Variants in IGSF21 observed in about 807,000 individuals in gnomAD.
IGSF21 encodes the protein immunoglobin superfamily member 21.
IGSF21 carries 28 observed loss-of-function variants against 46.8 expected under a neutral mutation model. The observed-to-expected ratio is 0.60, with a 90% CI of 0.44 to 0.82. The LOEUF is 0.82. Ranked by LOEUF, IGSF21 falls within the 40% of genes least tolerant of loss-of-function variation. IGSF21 has a pLI of 0.00. For missense variants in IGSF21, 624 were observed against 665.5 expected, an observed-to-expected ratio of 0.94 and a Z score of 0.69; for synonymous variants, 284 against 273.6, an observed-to-expected ratio of 1.04 and a Z score of -0.38.
chr1:18,228,420 C>T (rs2084591231), intron 2 of IGSF21, among the ~76,000 whole-genome samples: 4 of 152,158 alleles, frequency 2.6e-5, no homozygotes, highest in Admixed American at 2.6e-4. Flanking sequence ...TTTGCAAAAT[C>T]AAATCACAGA....
At chr1:18,336,306 G>A (rs544679177) in intron 4 of IGSF21, among the ~76,000 whole-genome samples, 27 of 152,332 alleles carry the variant, frequency 1.8e-4, no homozygotes, top group African/African-American at 6.5e-4. Context: ...GTGGCTGCTA[G>A]CATAGGGAGG....
rs2085778345 is a variant in IGSF21 at position 18,337,257 on chromosome 1, G to C, written c.424+2247G>C. On this transcript the variant is annotated intron_variant, in intron 4 of 9. Coordinates refer to ENST00000251296, the MANE Select transcript of IGSF21 (RefSeq NM_032880.5). The surrounding 1 kb of genome is among the most constrained non-coding windows in gnomAD (Gnocchi z 5.7). ...TGGCCTGATGGTCTCTGCTGAGCAA[G>C]GGAGTGTGCTCCTGTGGGCCTCAAT... Among the ~76,000 whole-genome samples the C allele has an allele frequency of 6.6e-6, 1 of 152,192 alleles. No individual in the cohort carries two copies. The highest frequency in any genetic ancestry group is 1.5e-5 in the Non-Finnish European group (1 of 68,024).
intron 1 of IGSF21, among the ~76,000 whole-genome samples, chr1:18,199,202 C>A (rs958779768): frequency 1.3e-5 from 2 of 152,040 alleles, no homozygotes; most frequent in African/African-American, 4.8e-5. Context: ...GGGTTGGGGC[C>A]CCTGCACCCA....
At chr1:18,347,329 G>A (rs1477193488) in intron 4 of IGSF21, among the ~76,000 whole-genome samples, 3 of 152,214 alleles carry the variant, frequency 2.0e-5, no homozygotes, top group Non-Finnish European at 4.4e-5. Context: ...ACAGAGGTCA[G>A]GAGACATGCC....
At chr1:18,232,653 GTGCT>G (rs2084639314) in intron 2 of IGSF21, among the ~76,000 whole-genome samples, 1 of 152,182 alleles carries the variant, frequency 6.6e-6, no homozygotes, top group Non-Finnish European at 1.5e-5. Flanking sequence ...CTTTACACTA[GTGCT>G]TACCTCATCA....
At chr1:18,134,719 A>G (rs1210619520) in intron 1 of IGSF21, among the ~76,000 whole-genome samples, 1 of 152,204 alleles carries the variant, frequency 6.6e-6, no homozygotes, top group East Asian at 1.9e-4. Flanking sequence ...TGGACCTCAC[A>G]GGTACTGAAA....
intron 1 of IGSF21, among the ~76,000 whole-genome samples, chr1:18,197,768 GAAATAACC>G (rs2087023584): frequency 6.6e-6 from 1 of 152,232 alleles, no homozygotes. Context: ...ATCAACTGGG[GAAATAACC>G]AAGACTACCT....
intron 3 of IGSF21, among the ~76,000 whole-genome samples, chr1:18,328,545 C>G (rs558978588): frequency 1.3e-5 from 2 of 152,182 alleles, no homozygotes; most frequent in African/African-American, 4.8e-5. Context: ...ATACTCAACA[C>G]CACAAGCGGT....
Position 18,376,978 on chromosome 1 carries a change from G to T in IGSF21, c.1280G>T (p.Arg427Leu). The T allele has an allele frequency of 6.3e-7, 1 of 1,593,136 alleles. No homozygotes were observed. Among genetic ancestry groups the T allele is most frequent in the Non-Finnish European group, 8.6e-7 (1 of 1,163,800 alleles). ...CTGGGCTCCACCGACACGCACACCC[G>T]GCTCATCGTGTTTGGTATGGCGCGC... ...NPLGSTDTHT[R>L]LIVFENPNIP... Residue 427 changes from arginine to leucine, a missense_variant, in exon 8 of 10, where the codon CGG becomes CTG. Coordinates refer to ENST00000251296, the MANE Select transcript of IGSF21 (RefSeq NM_032880.5).
In IGSF21 at chr1:18,141,605, G is replaced by C. The variant is rs77703227; in HGVS notation, c.70+33407G>C. On this transcript the variant is annotated intron_variant, in intron 1 of 9. Coordinates refer to ENST00000251296, the MANE Select transcript of IGSF21 (RefSeq NM_032880.5). ...TGACTGAGAGTGAGGGACCTGGAGAGCTAATTCTCTGCTCTACTCTCAACT... is the reference window on the plus strand; with the variant it reads ...TGACTGAGAGTGAGGGACCTGGAGACCTAATTCTCTGCTCTACTCTCAACT... Among the ~76,000 whole-genome samples, 27 of 152,284 alleles carry C rather than the reference G, an allele frequency of 1.8e-4. No homozygotes were observed. The East Asian group carries it at 5.0e-3, about 28-fold the overall frequency.
rs557150933 is a variant in IGSF21, at chr1:18,141,744, A to G, written c.70+33546A>G. Among the ~76,000 whole-genome samples the G allele has an allele frequency of 3.9e-5, 6 of 152,326 alleles. No individual in the cohort carries two copies. The South Asian group carries it at 6.2e-4, about 16-fold the overall frequency. On this transcript the variant is annotated intron_variant, in intron 1 of 9. Transcript: ENST00000251296. The stretch of plus-strand genomic sequence containing the variant: ...AACATCTCCAGCTGTTTCACAAGTT[A>G]TTAGATGGACATACACTTTATACAA...
intron 6 of IGSF21, among the ~76,000 whole-genome samples, chr1:18,372,006 A>G (rs964473101): frequency 6.6e-6 from 1 of 152,214 alleles, no homozygotes; most frequent in African/African-American, 2.4e-5. Context: ...TGGGAAATGC[A>G]GGTCCTTCAG....
chr1:18,247,124 C>A (rs2084792897), intron 2 of IGSF21, among the ~76,000 whole-genome samples: 1 of 149,758 alleles, frequency 6.7e-6, no homozygotes, highest in Admixed American at 6.7e-5. Flanking sequence ...GATCTCTGCA[C>A]AGCTGGACTT....
At chr1:18,180,430 C>T (rs1287797767) in intron 1 of IGSF21, among the ~76,000 whole-genome samples, 1 of 152,200 alleles carries the variant, frequency 6.6e-6, no homozygotes, top group South Asian at 2.1e-4. Context: ...CTTCTTCCAC[C>T]ATTGCAGAGA....
At chr1:18,151,985 A>G (rs1278696200) in intron 1 of IGSF21, among the ~76,000 whole-genome samples, 1 of 152,082 alleles carries the variant, frequency 6.6e-6, no homozygotes. Flanking sequence ...ATCACTCTGC[A>G]TCCTCTCAGC....
intron 3 of IGSF21, among the ~76,000 whole-genome samples, chr1:18,321,619 G>A (rs538697457): frequency 6.6e-6 from 1 of 152,314 alleles, no homozygotes; most frequent in South Asian, 2.1e-4. Context: ...CTCACCCCAT[G>A]AGCCAGAAAG....
intron 1 of IGSF21, among the ~76,000 whole-genome samples, chr1:18,152,626 A>G (rs902429329): frequency 4.6e-5 from 7 of 152,128 alleles, no homozygotes; most frequent in South Asian, 4.1e-4. Context: ...GGTGTTGATT[A>G]TCATAATCAT....
At chr1:18,141,894 C>A (rs1015390096) in intron 1 of IGSF21, among the ~76,000 whole-genome samples, 1 of 151,920 alleles carries the variant, frequency 6.6e-6, no homozygotes, top group African/African-American at 2.4e-5. Context: ...CATAGCAAGA[C>A]CCCCATTTCT....
chr1:18,185,316 G>A (rs1027612351), intron 1 of IGSF21, among the ~76,000 whole-genome samples: 1 of 152,174 alleles, frequency 6.6e-6, no homozygotes, highest in Non-Finnish European at 1.5e-5. Flanking sequence ...TTGTGGGTTT[G>A]GAAGCTGGCT....
Sources: gnomAD v4.1 joint callset for allele counts (sites outside exome capture counted in the v4.1 genomes callset) on GRCh38, gnomAD v4.1.1 for gene constraint, Gnocchi (gnomAD v3.1) non-coding constraint, MANE v1.5 for transcripts, NCBI Gene and HGNC (gene_info 2026-07-23, HGNC 2026-07-21) for gene names.